The following KREMEN1 variants were observed in gnomAD, a reference collection of about 807,000 sequenced individuals.
The protein encoded by KREMEN1 is kremen protein 1.
A neutral mutation model predicts 46.5 loss-of-function variants in KREMEN1; 30 were observed. That is an observed-to-expected ratio of 0.65 (90% CI 0.48 to 0.88). The LOEUF is 0.88. Among genes scored for constraint, KREMEN1 ranks in the 40% least tolerant of loss-of-function variants. The pLI is 0.00. For synonymous variants in KREMEN1, 214 were observed against 230.6 expected (o/e 0.93, Z 0.65); for missense variants, 533 against 596.9 (o/e 0.89, Z 1.11).
intron 9 of KREMEN1, among the ~76,000 whole-genome samples, chr22:29,153,662 T>G (rs2038936031): frequency 6.6e-6 from 1 of 152,024 alleles, no homozygotes; most frequent in Non-Finnish European, 1.5e-5. Context: ...CCTGGCTCCT[T>G]TATAACCTCC....
At chr22:29,091,897 G>T (rs1569314909) in intron 1 of KREMEN1, among the ~76,000 whole-genome samples, 3 of 152,156 alleles carry the variant, frequency 2.0e-5, no homozygotes. Flanking sequence ...AACATTTTGG[G>T]CAGGAAATAG....
Position 29,131,554 on chromosome 22 carries a change from ATATATATG to A in KREMEN1, c.632-5786_632-5779del, listed in dbSNP as rs1163964336. 4.2e-3 allele frequency among the ~76,000 whole-genome samples: 310 copies of A among 73,204 alleles called. 1 individual carries two copies. Among genetic ancestry groups the A allele is most frequent in the Middle Eastern group, 0.012 (2 of 168 alleles). 48.0% of individuals were successfully genotyped at this position (73,204 alleles called of 152,430 possible). ...TATATATATATATATATATATATAT[ATATATATG>A]TGTGTGTGTGTGTGTGTGTGTGTGT... On this transcript the variant is annotated intron_variant, in intron 5 of 8. Transcript: ENST00000400335.
chr22:29,103,365 G>T (rs2038003758), intron 3 of KREMEN1, among the ~76,000 whole-genome samples: 1 of 152,180 alleles, frequency 6.6e-6, no homozygotes, highest in African/African-American at 2.4e-5. Flanking sequence ...GCCCCTTGGT[G>T]TGTTATGTGT....
At chr22:29,131,863 T>C (rs1196573867) in intron 5 of KREMEN1, among the ~76,000 whole-genome samples, 3 of 111,844 alleles carry the variant, frequency 2.7e-5, no homozygotes, top group Non-Finnish European at 5.1e-5. Context: ...CTTAGAATAA[T>C]GCTTTTTTTT....
At chr22:29,105,313 T>A (rs2038038361) in intron 3 of KREMEN1, among the ~76,000 whole-genome samples, 1 of 152,088 alleles carries the variant, frequency 6.6e-6, no homozygotes, top group African/African-American at 2.4e-5. Flanking sequence ...CCCGTTACAT[T>A]TTTAACAAGG....
chr22:29,109,238 A>G (rs1049184529), intron 3 of KREMEN1, among the ~76,000 whole-genome samples: 1 of 152,238 alleles, frequency 6.6e-6, no homozygotes. Context: ...GTTCTAAAGC[A>G]CAGTTGTGTA....
chr22:29,145,293 G>A lies in KREMEN1; in HGVS notation c.*3181G>A. The A allele has an allele frequency of 1.0e-6, 1 of 985,664 alleles. No homozygotes were observed. The highest frequency in any genetic ancestry group is 1.2e-6 in the Non-Finnish European group (1 of 830,066). 61.1% of individuals were successfully genotyped at this position (985,664 alleles called of 1,614,324 possible). A position where few individuals can be genotyped will look rare whatever the true frequency, so the allele number is the denominator to read the frequency against. ...GCGAAAAGAGGGTAACCCTGGGAAAGTCAGTCAGAACCCATGGCAGAAGAC... is the reference window on the plus strand; with the variant it reads ...GCGAAAAGAGGGTAACCCTGGGAAAATCAGTCAGAACCCATGGCAGAAGAC... On this transcript the variant is annotated 3_prime_UTR_variant, in exon 9 of 9. Transcript: ENST00000400335.
chr22:29,137,560 T>C lies in KREMEN1; in HGVS notation c.850T>C (p.Phe284Leu). 1 of 1,613,904 alleles carries C rather than the reference T, an allele frequency of 6.2e-7. No individual in the cohort carries two copies. Among genetic ancestry groups the C allele is most frequent in the Non-Finnish European group, 8.5e-7 (1 of 1,179,768 alleles). ...CTACACCCACCGTGTCCTAGCCCGC[T>C]TCCACGGGAGGAGCCGCCCACCTCT... ...DGYTHRVLARFHGRSRPPLSF... is the reference protein window; with the variant it reads ...DGYTHRVLARLHGRSRPPLSF... The change falls in exon 6 of 9, where the codon TTC becomes CTC. Residue 284 changes from phenylalanine to leucine, a missense_variant. By Grantham distance (22) the Phe-to-Leu change is conservative. Coordinates refer to ENST00000400335, the MANE Select transcript of KREMEN1 (RefSeq NM_001039570.3).
chr22:29,126,138 T>C (rs2038438519), intron 5 of KREMEN1, among the ~76,000 whole-genome samples: 1 of 150,888 alleles, frequency 6.6e-6, no homozygotes, highest in African/African-American at 2.4e-5. Context: ...AGGCTCGAGA[T>C]TACCAAGAAA....
intron 3 of KREMEN1, among the ~76,000 whole-genome samples, chr22:29,105,511 A>ACACT (rs1274000299): frequency 4.0e-5 from 6 of 149,670 alleles, no homozygotes; most frequent in Non-Finnish European, 8.9e-5. Context: ...ACACACACAC[A>ACACT]CTCTGATGAA....
rs2037499459 is a variant in KREMEN1 at position 29,073,180 on chromosome 22, C to T, written c.50C>T (p.Thr17Met). The T allele has an allele frequency of 8.5e-7, 1 of 1,181,292 alleles. No homozygotes were observed. The highest frequency in any genetic ancestry group is 1.6e-5 in the African/African-American group (1 of 61,660). The allele number at this position is 1,181,292 out of a possible 1,614,324, so 73.2% of individuals were successfully genotyped here. ...GCCCTGCTCTCCGCCGCGGCGCTCA[C>T]GCTGGCGGCCCGGCCCGCGCCTAGC... The part of the protein sequence containing the change: ...RLALLSAAAL[T>M]LAARPAPSPG... Residue 17 changes from threonine to methionine, a missense_variant, in exon 1 of 9, where the codon ACG becomes ATG. By Grantham distance (81) the Thr-to-Met change is moderately conservative (BLOSUM62 -1). Transcript: ENST00000400335. This position sits in a 1 kb window ranked among gnomAD's most constrained non-coding sequence, Gnocchi z 4.4.
At chr22:29,161,245 T>A (rs113599891) in intron 9 of KREMEN1, among the ~76,000 whole-genome samples, 6 of 151,866 alleles carry the variant, frequency 4.0e-5, no homozygotes, top group Admixed American at 1.3e-4. Flanking sequence ...TGGTGGCTCA[T>A]GCCTGTGATC....
exon 10 of KREMEN1, chr22:29,167,308 A>G (rs2039061364): frequency 3.3e-6 from 2 of 597,208 alleles, no homozygotes; most frequent in Non-Finnish European, 6.0e-6. Context: ...GCAGTGAGCT[A>G]TGATCACACC....
intron 1 of KREMEN1, among the ~76,000 whole-genome samples, chr22:29,092,562 C>T (rs992002404): frequency 1.3e-5 from 2 of 152,336 alleles, no homozygotes; most frequent in African/African-American, 2.4e-5. Flanking sequence ...GAACTGCCTC[C>T]TTCAATTTAT....
At chr22:29,162,971 G>C (rs2039024001) in intron 9 of KREMEN1, among the ~76,000 whole-genome samples, 1 of 152,134 alleles carries the variant, frequency 6.6e-6, no homozygotes, top group Non-Finnish European at 1.5e-5. Flanking sequence ...TACAGATCCA[G>C]CTGGAGGCCA....
intron 3 of KREMEN1, among the ~76,000 whole-genome samples, chr22:29,114,576 G>A (rs907374548): frequency 1.3e-5 from 2 of 151,312 alleles, no homozygotes; most frequent in Middle Eastern, 3.5e-3. Context: ...GTTTTGGTCT[G>A]AAAGCCAGGA....
chr22:29,149,886 T>C (rs990356088), downstream of KREMEN1, among the ~76,000 whole-genome samples: 5 of 152,138 alleles, frequency 3.3e-5, no homozygotes, highest in East Asian at 1.9e-4. Context: ...AAGGCTCTTC[T>C]TCCTGTGAAG....
In KREMEN1 at chr22:29,144,754, T is replaced by A. The variant is rs17451302; in HGVS notation, c.*2642T>A. ...TTGTTCAGTTGCCTGGGGCTGACACTGACCACTGGCCTCTGGGGTGTCCTG... is the reference window on the plus strand; with the variant it reads ...TTGTTCAGTTGCCTGGGGCTGACACAGACCACTGGCCTCTGGGGTGTCCTG... On this transcript the variant is annotated 3_prime_UTR_variant, in exon 9 of 9. Transcript: ENST00000400335. The A allele has an allele frequency of 1.0e-6, 1 of 985,388 alleles. No individual in the cohort carries two copies. 61.0% of individuals were successfully genotyped at this position (985,388 alleles called of 1,614,324 possible).
At position 29,163,129 on chromosome 22, in the gene KREMEN1, C is replaced by A. The variant is rs1434303542; in HGVS notation, c.1417-3915C>A. Reference sequence around the variant, plus strand: ...TTGAGGGAGGGAAGGATTACCGGGGCAATTCCCCACCGCCCCGCCGTTCTC... The same window carrying A: ...TTGAGGGAGGGAAGGATTACCGGGGAAATTCCCCACCGCCCCGCCGTTCTC... On this transcript the variant is annotated intron_variant, in intron 9 of 9. Coordinates refer to the KREMEN1 transcript ENST00000327813. Among the ~76,000 whole-genome samples the A allele has an allele frequency of 2.6e-5, 4 of 151,982 alleles. No individual in the cohort carries two copies. In the East Asian group the frequency reaches 7.8e-4, roughly 29 times the overall value.
Sources: allele counts gnomAD v4.1 joint callset (sites outside exome capture counted in the v4.1 genomes callset), GRCh38; gene constraint gnomAD v4.1.1; non-coding constraint Gnocchi (gnomAD v3.1); transcripts MANE v1.5; gene names NCBI Gene and HGNC (gene_info 2026-07-23, HGNC 2026-07-21).